MCM4: variants seen among roughly 807,000 people sequenced by gnomAD.
MCM4 encodes the protein DNA replication licensing factor MCM4.
MCM4 carries 60 observed loss-of-function variants against 88.7 expected under a neutral mutation model. The observed-to-expected ratio is 0.68, with a 90% CI of 0.55 to 0.84. The LOEUF (loss-of-function observed/expected upper bound fraction) is 0.84. Among genes scored for constraint, MCM4 ranks in the 40% least tolerant of loss-of-function variants. MCM4 has a pLI of 0.00. For missense variants in MCM4, 1,149 were observed against 1,105.5 expected (o/e 1.04, Z -0.56); for synonymous variants, 465 against 410.5 (o/e 1.13, Z -1.61).
Position 47,961,149 on chromosome 8 carries a change from C to G in MCM4, c.5C>G (p.Ser2Trp), listed in dbSNP as rs749871553. The G allele has an allele frequency of 5.8e-6, 9 of 1,552,380 alleles. No individual in the cohort carries two copies. The highest frequency in any genetic ancestry group is 3.6e-5 in the Admixed American group (2 of 55,460). The stretch of plus-strand genomic sequence containing the variant: ...CGCGCAGGTACTCCGAGCACTATGT[C>G]GTCCCCGGCGTCGACCCCGAGCCGC... Reference protein sequence around the residue: MSSPASTPSRRG... With the variant: MWSPASTPSRRG... The change falls in exon 2 of 17, where the codon TCG (serine) becomes TGG (tryptophan). Residue 2 changes from serine (S) to tryptophan (W), a missense_variant. Ser to Trp is a radical substitution (Grantham distance 177). Coordinates refer to ENST00000649973, the MANE Select transcript of MCM4 (RefSeq NM_182746.3).
Position 47,973,030 on chromosome 8 carries a change from G to T in MCM4, c.2102G>T (p.Arg701Leu). The T allele has an allele frequency of 6.2e-7, 1 of 1,613,872 alleles. No individual in the cohort carries two copies. Residue 701 changes from arginine (R) to leucine (L), a missense_variant, in exon 14 of 17, where the codon CGG (arginine) becomes CTG (leucine). Physicochemically the swap from Arg to Leu is moderately radical, Grantham distance 102 (BLOSUM62 -2). This residue lies in a region of MCM4 where 238 missense variants were observed against 241.6 expected (regional missense o/e 0.99). Coordinates refer to ENST00000649973, the MANE Select transcript of MCM4 (RefSeq NM_182746.3). ...TACGCGCACAGCACCATCATGCCGC[G>T]GCTAAGTGAGGAAGCCAGCCAGGCT... ...IAYAHSTIMP[R>L]LSEEASQALI...
rs779237498 is a variant in MCM4, at chr8:47,972,235, CAA to C, written c.1929-601_1929-600del. ...TGGGCTACAGAGTGAGACTCTGTCTCAAAAAAAAAAAAAAAAAAAAAACTTTC... is the reference window on the plus strand; with the variant it reads ...TGGGCTACAGAGTGAGACTCTGTCTCAAAAAAAAAAAAAAAAAAAACTTTC... On this transcript the variant is annotated intron_variant, in intron 13 of 16. Transcript: ENST00000649973. 5.9e-3 allele frequency among the ~76,000 whole-genome samples: 367 copies of C among 62,034 alleles called. 1 individual carries two copies. The highest frequency in any genetic ancestry group is 0.04 in the South Asian group (77 of 1,940). 40.7% of individuals were successfully genotyped at this position (62,034 alleles called of 152,430 possible).
rs370806780 is a variant in MCM4 at position 47,966,161 on chromosome 8, T to G, written c.833-26T>G. 12 of 1,574,354 alleles carry G rather than the reference T, an allele frequency of 7.6e-6. No individual in the cohort carries two copies. The African/African-American group carries it at 1.5e-4, about 19-fold the overall frequency. On this transcript the variant is annotated intron_variant, in intron 8 of 16. Transcript: ENST00000649973. ...GGACCTCCACACCTCAGGTCAGGTG[T>G]GCTGACCTCTCTTCTCCCCTCACAG... is the stretch of plus-strand genomic sequence containing the variant.
intron 10 of MCM4, chr8:47,969,181 A>G (rs990812742): frequency 6.5e-6 from 1 of 153,268 alleles, no homozygotes; most frequent in African/African-American, 2.4e-5. Flanking sequence ...GCCCAGGTGA[A>G]CACGTCCTCG....
intron 8 of MCM4, 57 bp downstream of exon 8, chr8:47,964,769 A>T: frequency 7.1e-7 from 1 of 1,414,696 alleles, no homozygotes; most frequent in Non-Finnish European, 9.5e-7. Context: ...ACATGAAAAT[A>T]GCCTTGTTTT....
intron 13 of MCM4, among the ~76,000 whole-genome samples, chr8:47,972,567 G>GT (rs936543170): frequency 2.6e-5 from 4 of 152,132 alleles, no homozygotes; most frequent in African/African-American, 7.2e-5. Context: ...TTTTTTGTTT[G>GT]TTTTTTTGAG....
chr8:47,971,876 T>C (rs1405499212), intron 13 of MCM4, among the ~76,000 whole-genome samples: 3 of 152,178 alleles, frequency 2.0e-5, no homozygotes, highest in South Asian at 4.1e-4. Flanking sequence ...TGCTTTTTTT[T>C]CTTTTTTTTT....
chr8:47,963,951 C>T lies in MCM4; in HGVS notation c.694-623C>T, dbSNP rs189471048. Among the ~76,000 whole-genome samples the T allele has an allele frequency of 2.6e-3, 393 of 152,306 alleles. 1 individual carries two copies. The highest frequency in any genetic ancestry group is 3.9e-3 in the Non-Finnish European group (266 of 68,018). ...TAACTTACTTTGGTATCGCCAGGCA[C>T]GGTGGCTCATGCCTGTGATCCCAGC... On this transcript the variant is annotated intron_variant, in intron 7 of 16. Coordinates refer to ENST00000649973, the MANE Select transcript of MCM4 (RefSeq NM_182746.3).
chr8:47,974,546 T>G (rs1050222801), intron 14 of MCM4, 188 bp from the exon 15 acceptor site: 3 of 600,396 alleles, frequency 5.0e-6, no homozygotes, highest in Non-Finnish European at 9.0e-6. Context: ...ACGCTGCACG[T>G]TGATGTCTTC....
At position 47,970,853 on chromosome 8, in the gene MCM4, C is replaced by T; in HGVS notation, c.1777C>T (p.Gln593Ter). ...TRSVLHEVMEQQTLSIAKAGI... is the reference protein window; with the variant it reads ...TRSVLHEVME ...ATCGGTATTGCATGAAGTCATGGAACAGCAGACTCTGTCCATTGCAAAGGT... is the reference window on the plus strand; with the variant it reads ...ATCGGTATTGCATGAAGTCATGGAATAGCAGACTCTGTCCATTGCAAAGGT... Residue 593 changes from glutamine to a stop codon, truncating the protein, a stop_gained, in exon 12 of 17, where the codon CAG becomes TAG. Coordinates refer to ENST00000649973, the MANE Select transcript of MCM4 (RefSeq NM_182746.3). LOFTEE classifies it high-confidence loss of function. 1 of 1,601,586 alleles carries T rather than the reference C, an allele frequency of 6.2e-7. No individual in the cohort carries two copies. Among genetic ancestry groups the T allele is most frequent in the African/African-American group, 1.3e-5 (1 of 74,858 alleles).
At position 47,961,167 on chromosome 8, in the gene MCM4, C is replaced by T. The variant is rs751296410; in HGVS notation, c.23C>T (p.Pro8Leu). 2.6e-6 allele frequency: 4 copies of T among 1,551,226 alleles called. No homozygotes were observed. Among genetic ancestry groups the T allele is most frequent in the South Asian group, 1.2e-5 (1 of 85,968 alleles). MSSPAST[P>L]SRRGSRRGRA... ...ACTATGTCGTCCCCGGCGTCGACCC[C>T]GAGCCGCCGCGGCAGCCGGCGTGGA... The change falls in exon 2 of 17, where the codon CCG (proline) becomes CTG (leucine). Residue 8 changes from proline (P) to leucine (L), a missense_variant. Coordinates refer to ENST00000649973, the MANE Select transcript of MCM4 (RefSeq NM_182746.3).
intron 10 of MCM4, chr8:47,969,191 GGGT>G (rs2090928138): frequency 6.5e-6 from 1 of 153,588 alleles, no homozygotes; most frequent in East Asian, 1.9e-4. Flanking sequence ...ACACGTCCTC[GGGT>G]CTATCATTTG....
Position 47,962,385 on chromosome 8 carries a change from A to C in MCM4, c.480A>C (p.Ala160=), listed in dbSNP as rs143210975. The change falls in exon 5 of 17, where the codon GCA becomes GCC. Residue 160 remains alanine, a synonymous_variant. Coordinates refer to ENST00000649973, the MANE Select transcript of MCM4 (RefSeq NM_182746.3). ...LVIWGTDVNV[A]ACKENFQRFL... is the part of the protein sequence containing the mutation. ...TCTGGGGAACAGATGTAAATGTGGC[A>C]GCATGCAAAGAAAACTTTCAGGTGA... The C allele has an allele frequency of 1.2e-6, 2 of 1,614,240 alleles. No homozygotes were observed. The highest frequency in any genetic ancestry group is 1.7e-6 in the Non-Finnish European group (2 of 1,180,026).
At position 47,963,017 on chromosome 8, in the gene MCM4, A is replaced by G; in HGVS notation, c.670A>G (p.Arg224Gly). 6.2e-7 allele frequency: 1 copy of G among 1,604,032 alleles called. No homozygotes were observed. The highest frequency in any genetic ancestry group is 8.5e-7 in the Non-Finnish European group (1 of 1,175,250). Residue 224 changes from arginine to glycine, a missense_variant, in exon 7 of 17, where the codon AGA becomes GGA. Coordinates refer to ENST00000649973, the MANE Select transcript of MCM4 (RefSeq NM_182746.3). ...CAAATCATTTGACAAAAATTTGTAC[A>G]GACAACTCATCTCTTACCCACAGGT... The part of the protein sequence containing the change: ...HIKSFDKNLY[R>G]QLISYPQEVI...
chr8:47,962,920 T>C (rs1457155063), intron 6 of MCM4, 25 bp from the exon 7 acceptor site: 6 of 1,568,930 alleles, frequency 3.8e-6, no homozygotes, highest in Non-Finnish European at 5.2e-6. Context: ...TAGCAAAATA[T>C]AACTTGTTCA....
rs1249409380 is a variant in MCM4, at chr8:47,968,343, C to T, written c.1174+858C>T. Among the ~76,000 whole-genome samples the T allele has an allele frequency of 2.6e-5, 4 of 152,314 alleles. No homozygotes were observed. In the South Asian group the frequency reaches 6.2e-4, roughly 24 times the overall value. ...TCCCGCAGTTATCACTGGCAATCTT[C>T]CGTCGTAAAAGTACTTGAAGTCATG... is the stretch of plus-strand genomic sequence containing the variant. On this transcript the variant is annotated intron_variant, in intron 10 of 16. Coordinates refer to ENST00000649973, the MANE Select transcript of MCM4 (RefSeq NM_182746.3).
intron 10 of MCM4, chr8:47,969,521 G>C (rs1037459910): frequency 1.9e-5 from 8 of 427,426 alleles, no homozygotes; most frequent in Non-Finnish European, 2.1e-5. Flanking sequence ...GCCTCCCAAA[G>C]TGCTAGGATT....
chr8:47,964,566 T>C lies in MCM4; in HGVS notation c.694-8T>C. On this transcript the variant is annotated splice_polypyrimidine_tract_variant and splice_region_variant and intron_variant, in intron 7 of 16. Transcript: ENST00000649973. ...AATACAAATACATCTTCATATTTGTTTTTACAGGAAGTTATTCCAACTTTT... is the reference window on the plus strand; with the variant it reads ...AATACAAATACATCTTCATATTTGTCTTTACAGGAAGTTATTCCAACTTTT... The C allele has an allele frequency of 6.3e-7, 1 of 1,581,476 alleles. No individual in the cohort carries two copies. Among genetic ancestry groups the C allele is most frequent in the Non-Finnish European group, 8.6e-7 (1 of 1,168,888 alleles).
intron 14 of MCM4, chr8:47,973,785 G>A (rs2090977162): frequency 6.6e-6 from 1 of 152,298 alleles, no homozygotes; most frequent in Admixed American, 6.5e-5. Context: ...ACCGCGCCTA[G>A]CAATATACTA....
Sources: allele counts gnomAD v4.1 joint callset (sites outside exome capture counted in the v4.1 genomes callset), GRCh38; gene constraint gnomAD v4.1.1; regional missense constraint gnomAD v4.1.1; transcripts MANE v1.5; gene names NCBI Gene and HGNC (gene_info 2026-07-23, HGNC 2026-07-21).